Variants in OTOF observed in about 807,000 individuals in gnomAD.
OTOF encodes the protein otoferlin.
OTOF carries 218 observed loss-of-function variants against 236.8 expected under a neutral mutation model. The observed-to-expected ratio is 0.92, with a 90% CI of 0.82 to 1.03. The LOEUF is 1.03. Ranked by LOEUF, OTOF falls within the 50% of genes least tolerant of loss-of-function variation. The pLI is 0.00. For synonymous variants in OTOF, 1,041 were observed against 1,072.5 expected (o/e 0.97, Z 0.57); for missense variants, 2,590 against 2,694.4 (o/e 0.96, Z 0.86).
intron 1 of OTOF, among the ~76,000 whole-genome samples, chr2:26,554,941 C>A (rs1247110388): frequency 1.3e-5 from 2 of 152,156 alleles, no homozygotes; most frequent in African/African-American, 2.4e-5. Context: ...CAAGAAGGCT[C>A]AGGGGATAGA....
At chr2:26,490,342 C>T (rs997378264) in intron 9 of OTOF, among the ~76,000 whole-genome samples, 5 of 152,216 alleles carry the variant, frequency 3.3e-5, no homozygotes, top group African/African-American at 7.2e-5. Context: ...TGTAAAATAA[C>T]GCAAGCCTCA....
At position 26,458,029 on chromosome 2, in the gene OTOF, G is replaced by A; in HGVS notation, c.*209C>T. On this transcript the variant is annotated 3_prime_UTR_variant, in exon 47 of 47. Transcript: ENST00000272371. Reference sequence around the variant, plus strand: ...CAGGGCTGGGGAGCGGCTGGCGGGAGCTGGCGGCCTTCATGCCCCAAGGAG... The same window carrying A: ...CAGGGCTGGGGAGCGGCTGGCGGGAACTGGCGGCCTTCATGCCCCAAGGAG... The A allele has an allele frequency of 6.2e-7, 1 of 1,609,692 alleles. No individual in the cohort carries two copies. Among genetic ancestry groups the A allele is most frequent in the Non-Finnish European group, 8.5e-7 (1 of 1,176,982 alleles).
intron 4 of OTOF, 43 bp downstream of exon 4, chr2:26,518,967 G>A: frequency 7.3e-7 from 1 of 1,363,184 alleles, no homozygotes; most frequent in Non-Finnish European, 1.0e-6. Context: ...CCCCCAGATG[G>A]CCCCATATGG....
intron 2 of OTOF, among the ~76,000 whole-genome samples, chr2:26,529,935 C>T (rs980328162): frequency 6.6e-6 from 1 of 152,172 alleles, no homozygotes; most frequent in Non-Finnish European, 1.5e-5. Context: ...GGCTGCGGCT[C>T]CAGCTTCTGG....
Position 26,463,972 on chromosome 2 carries a change from T to C in OTOF, c.5095A>G (p.Ile1699Val), listed in dbSNP as rs1664604621. ...GGCCATGCAAGTGTCACCTGCTCGA[T>C]GCCCGGCTTGTCGGGGTTGAGCAGC... ...RPLLNPDKPG[I>V]EQGRLELWVD... The change falls in exon 40 of 47, where the codon ATC becomes GTC. Residue 1699 changes from isoleucine to valine, a missense_variant. This residue lies in a region of OTOF where 1,211 missense variants were observed against 1,352.8 expected (regional missense o/e 0.90). Coordinates refer to ENST00000272371, the MANE Select transcript of OTOF (RefSeq NM_194248.3). 5 of 1,613,710 alleles carry C rather than the reference T, an allele frequency of 3.1e-6. No individual in the cohort carries two copies. Among genetic ancestry groups the C allele is most frequent in the Non-Finnish European group, 3.4e-6 (4 of 1,180,022 alleles).
In OTOF at chr2:26,474,098, C is replaced by T. The variant is rs775852186; in HGVS notation, c.3301G>A (p.Gly1101Arg). 6.8e-6 allele frequency: 11 copies of T among 1,612,846 alleles called. No individual in the cohort carries two copies. Among genetic ancestry groups the T allele is most frequent in the African/African-American group, 1.3e-5 (1 of 74,894 alleles). Reference protein sequence around the residue: ...AFELLQIGPAGKADLPPINGP... With the variant: ...AFELLQIGPARKADLPPINGP... ...TTGATGGGGGGCAGGTCAGCCTTCC[C>T]TGCTGGTCCAATCTGGGGAATGGGG... The change falls in exon 27 of 47, where the codon GGG becomes AGG. Residue 1101 changes from glycine (G) to arginine (R), a missense_variant. By Grantham distance (125) the Gly-to-Arg change is moderately radical. Around this residue, in one of 2 missense-constraint regions of OTOF, gnomAD observed 1,211 missense variants for 1,352.8 expected, o/e 0.90. Coordinates refer to ENST00000272371, the MANE Select transcript of OTOF (RefSeq NM_194248.3).
intron 5 of OTOF, among the ~76,000 whole-genome samples, chr2:26,504,425 A>T (rs367909485): frequency 3.3e-5 from 5 of 151,796 alleles, no homozygotes; most frequent in Non-Finnish European, 5.9e-5. Flanking sequence ...TCTTTCTCCA[A>T]CCTCTCCGTG....
chr2:26,533,017 G>A (rs982421567), intron 2 of OTOF, among the ~76,000 whole-genome samples: 1 of 152,172 alleles, frequency 6.6e-6, no homozygotes, highest in Non-Finnish European at 1.5e-5. Context: ...CCAGTCCATG[G>A]CCTGTTAGGA....
Position 26,470,050 on chromosome 2 carries a change from C to T in OTOF, c.4023+543G>A, listed in dbSNP as rs1031455106. Among the ~76,000 whole-genome samples the T allele has an allele frequency of 1.3e-5, 2 of 152,210 alleles. No homozygotes were observed. Among genetic ancestry groups the T allele is most frequent in the African/African-American group, 4.8e-5 (2 of 41,456 alleles). On this transcript the variant is annotated intron_variant, in intron 32 of 46. Transcript: ENST00000272371. This position sits in a 1 kb window ranked among gnomAD's most constrained non-coding sequence, Gnocchi z 4.3. ...TGTGTAATAGGGGAAGAATCATTCA[C>T]GTGCCGATGACCAAGATGTGTAAAA... is the stretch of plus-strand genomic sequence containing the variant.
At position 26,475,916 on chromosome 2, in the gene OTOF, C is replaced by G. The variant is rs1558482554; in HGVS notation, c.2989G>C (p.Glu997Gln). 8 of 1,605,682 alleles carry G rather than the reference C, an allele frequency of 5.0e-6. No homozygotes were observed. Among genetic ancestry groups the G allele is most frequent in the African/African-American group, 1.3e-5 (1 of 74,804 alleles). ...ACTCCCTCCTCCCAGGCCCTCACCT[C>G]TGTGCACTGACTCTGATTGATGAAG... Reference protein sequence around the residue: ...VFFINQSQCTEVLNETLCPTW... With the variant: ...VFFINQSQCTQVLNETLCPTW... Residue 997 changes from glutamate to glutamine, a missense_variant and splice_region_variant, in exon 24 of 47, where the codon GAG (glutamate) becomes CAG (glutamine). Physicochemically the swap from Glu to Gln is conservative, Grantham distance 29. Transcript: ENST00000272371.
chr2:26,523,741 C>G (rs1666735968), intron 3 of OTOF, among the ~76,000 whole-genome samples: 2 of 152,242 alleles, frequency 1.3e-5, no homozygotes, highest in Admixed American at 6.5e-5. Context: ...CTGTCCCCAG[C>G]AGTGGCCATG....
intron 2 of OTOF, among the ~76,000 whole-genome samples, chr2:26,533,750 C>T (rs1667004229): frequency 6.6e-6 from 1 of 152,164 alleles, no homozygotes; most frequent in Non-Finnish European, 1.5e-5. Context: ...CCTGCGGTGA[C>T]AGGTGCCAGT....
At chr2:26,508,036 A>T (rs1288048863) in intron 5 of OTOF, among the ~76,000 whole-genome samples, 1 of 152,216 alleles carries the variant, frequency 6.6e-6, no homozygotes, top group Non-Finnish European at 1.5e-5. Context: ...TGTTTCATTA[A>T]TTCAGGTCTC....
intron 12 of OTOF, 89 bp downstream of exon 12, chr2:26,484,385 C>T: frequency 7.3e-7 from 1 of 1,368,062 alleles, no homozygotes; most frequent in Non-Finnish European, 1.0e-6. Flanking sequence ...AGACGGGTGG[C>T]AGGTGCTCTC....
chr2:26,483,489 G>T lies in OTOF; in HGVS notation c.1365C>A (p.Tyr455Ter), dbSNP rs572162678. 5 of 1,613,794 alleles carry T rather than the reference G, an allele frequency of 3.1e-6. No homozygotes were observed. The African/African-American group carries it at 6.7e-5, about 22-fold the overall frequency. The change falls in exon 13 of 47, where the codon TAC (tyrosine) becomes TAA (stop). Residue 455 changes from tyrosine (Y) to a stop codon, truncating the protein, a stop_gained. Transcript: ENST00000272371. LOFTEE classifies it high-confidence loss of function. ...IGENKDLVDP[Y>*]VQVFFAGQKG... ...TCTGGCCAGCAAAGAAGACTTGCACGTAGGGGTCCACGAGGTCCTTGTTTT... is the reference window on the plus strand; with the variant it reads ...TCTGGCCAGCAAAGAAGACTTGCACTTAGGGGTCCACGAGGTCCTTGTTTT...
chr2:26,546,248 G>A (rs1391886982), intron 1 of OTOF, among the ~76,000 whole-genome samples: 1 of 152,110 alleles, frequency 6.6e-6, no homozygotes. Flanking sequence ...ATCACTTGAG[G>A]TCAGGAGTTC....
chr2:26,540,043 C>T (rs1004441319), intron 1 of OTOF, among the ~76,000 whole-genome samples: 4 of 152,136 alleles, frequency 2.6e-5, no homozygotes, highest in Non-Finnish European at 4.4e-5. Context: ...AAATGATTCT[C>T]GTGCCTCAGC....
chr2:26,515,167 G>C (rs946476486), intron 5 of OTOF, among the ~76,000 whole-genome samples: 2 of 152,240 alleles, frequency 1.3e-5, no homozygotes, highest in South Asian at 4.1e-4. Context: ...TGCAGGTGAG[G>C]AGAGAGGGTC....
chr2:26,498,376 G>T (rs1257244390), intron 8 of OTOF, among the ~76,000 whole-genome samples: 5 of 152,224 alleles, frequency 3.3e-5, no homozygotes, highest in Non-Finnish European at 5.9e-5. Flanking sequence ...ACCACCAGGC[G>T]CATGGTGTTG....
Sources: allele counts gnomAD v4.1 joint callset (sites outside exome capture counted in the v4.1 genomes callset), GRCh38; gene constraint gnomAD v4.1.1; regional missense constraint gnomAD v4.1.1; non-coding constraint Gnocchi (gnomAD v3.1); transcripts MANE v1.5; gene names NCBI Gene and HGNC (gene_info 2026-07-23, HGNC 2026-07-21).